SOX6: variants seen among roughly 807,000 people sequenced by gnomAD.
SOX6 encodes the protein transcription factor SOX-6.
In SOX6, 11 loss-of-function variants were observed where a neutral mutation model predicts 97.8. The ratio of observed to expected loss-of-function variants is 0.11; its 90% confidence interval spans 0.07 to 0.19. SOX6 has a LOEUF of 0.19. Among genes scored for constraint, SOX6 ranks in the 10% least tolerant of loss-of-function variants. The probability of loss-of-function intolerance (pLI) is 1.00; values close to 1 mark genes in which losing one functional copy is unlikely to be tolerated. For synonymous variants in SOX6, 360 were observed against 371.4 expected (o/e 0.97, Z 0.35); for missense variants, 810 against 1,039.5 (o/e 0.78, Z 3.04).
chr11:16,318,696 C>T (rs1168680336), intron 2 of SOX6, 43 bp from the exon 3 acceptor site: 11 of 1,567,540 alleles, frequency 7.0e-6, no homozygotes, highest in African/African-American at 1.4e-5. Flanking sequence ...ATATACGTTT[C>T]TTTGCATGCT....
At chr11:16,650,764 A>C (rs972513767) in intron 3 of SOX6, among the ~76,000 whole-genome samples, 3 of 151,774 alleles carry the variant, frequency 2.0e-5, no homozygotes, top group Middle Eastern at 3.2e-3. Context: ...GAAAAGAAAT[A>C]ACCAAGATCA....
At chr11:16,278,281 T>C (rs1854455800) in intron 3 of SOX6, among the ~76,000 whole-genome samples, 1 of 152,114 alleles carries the variant, frequency 6.6e-6, no homozygotes, top group African/African-American at 2.4e-5. Flanking sequence ...AGATCCCAAA[T>C]GAAATCTAAT....
At chr11:15,997,935 C>T (rs368359769) in intron 13 of SOX6, among the ~76,000 whole-genome samples, 168 of 152,064 alleles carry the variant, frequency 1.1e-3, no homozygotes, top group African/African-American at 3.9e-3. Context: ...CAAAAATTAG[C>T]CAGGCATGGT....
At chr11:16,559,055 C>A (rs1231069998) in intron 4 of SOX6, among the ~76,000 whole-genome samples, 3 of 151,972 alleles carry the variant, frequency 2.0e-5, no homozygotes, top group Non-Finnish European at 4.4e-5. Context: ...TATATCAAGA[C>A]AACTCCACTG....
intron 3 of SOX6, among the ~76,000 whole-genome samples, chr11:16,243,196 A>AT (rs1490953322): frequency 1.3e-5 from 2 of 151,986 alleles, no homozygotes; most frequent in East Asian, 3.9e-4. Context: ...CAGGCACTGT[A>AT]TTTTTTATAT....
intron 4 of SOX6, among the ~76,000 whole-genome samples, chr11:16,519,547 G>T (rs1440957034): frequency 6.6e-6 from 1 of 151,962 alleles, no homozygotes; most frequent in East Asian, 1.9e-4. Context: ...TTATGGCTCA[G>T]TAGTATTCTA....
chr11:16,474,410 T>G (rs898788262), intron 1 of SOX6, among the ~76,000 whole-genome samples: 3 of 152,194 alleles, frequency 2.0e-5, no homozygotes, highest in African/African-American at 7.2e-5. Flanking sequence ...CCTTACAAAA[T>G]GTACTTCTGA....
At chr11:16,629,947 C>A (rs1418477520) in intron 3 of SOX6, among the ~76,000 whole-genome samples, 1 of 152,038 alleles carries the variant, frequency 6.6e-6, no homozygotes, top group African/African-American at 2.4e-5. Flanking sequence ...TGTAATGTCA[C>A]CTTTTGTCAT....
chr11:16,697,750 A>C (rs1039485679), intron 3 of SOX6, among the ~76,000 whole-genome samples: 4 of 152,238 alleles, frequency 2.6e-5, no homozygotes, highest in African/African-American at 9.6e-5. Context: ...TGGGCTACAG[A>C]ATGGATGTTG....
At chr11:16,473,552 CTTT>C (rs61587370) in intron 1 of SOX6, among the ~76,000 whole-genome samples, 44 of 132,752 alleles carry the variant, frequency 3.3e-4, no homozygotes, top group East Asian at 4.6e-4. Flanking sequence ...GTGACAATTC[CTTT>C]TTTTTTTTTT....
At chr11:16,608,553 C>A (rs768084303) in intron 4 of SOX6, among the ~76,000 whole-genome samples, 19 of 149,116 alleles carry the variant, frequency 1.3e-4, no homozygotes, top group Non-Finnish European at 2.7e-4. Flanking sequence ...AGGATCTCAG[C>A]AAATGGGGGA....
chr11:16,618,406 A>G (rs1355068854), intron 3 of SOX6, among the ~76,000 whole-genome samples: 1 of 151,956 alleles, frequency 6.6e-6, no homozygotes, highest in African/African-American at 2.4e-5. Flanking sequence ...CAATATCCTC[A>G]AAATATCTAT....
intron 3 of SOX6, among the ~76,000 whole-genome samples, chr11:16,698,208 C>T (rs1025031528): frequency 6.6e-6 from 1 of 152,176 alleles, no homozygotes; most frequent in African/African-American, 2.4e-5. Context: ...TAGTCACCTT[C>T]ATCATGATCT....
At chr11:16,064,660 A>T (rs1334638158) in intron 9 of SOX6, among the ~76,000 whole-genome samples, 1 of 151,830 alleles carries the variant, frequency 6.6e-6, no homozygotes, top group East Asian at 1.9e-4. Flanking sequence ...AAAAAATATC[A>T]TTCATCATGA....
chr11:16,674,189 CAAA>C (rs61516612), intron 3 of SOX6, among the ~76,000 whole-genome samples: 5 of 76,322 alleles, frequency 6.6e-5, no homozygotes, highest in African/African-American at 1.7e-4. Context: ...GACTCCATCT[CAAA>C]AAAAAAAAAA....
At chr11:16,081,847 A>G (rs1174780627) in intron 9 of SOX6, among the ~76,000 whole-genome samples, 1 of 152,172 alleles carries the variant, frequency 6.6e-6, no homozygotes, top group Non-Finnish European at 1.5e-5. Flanking sequence ...GTCAAATAAC[A>G]TATCTCATGA....
intron 3 of SOX6, among the ~76,000 whole-genome samples, chr11:16,246,133 T>C (rs1853329248): frequency 6.6e-6 from 1 of 151,426 alleles, no homozygotes; most frequent in Admixed American, 6.6e-5. Flanking sequence ...TACAACAGTC[T>C]ACCTTCAATA....
chr11:16,714,653 T>C (rs971770937), intron 3 of SOX6, among the ~76,000 whole-genome samples: 5 of 152,052 alleles, frequency 3.3e-5, no homozygotes, highest in Admixed American at 1.3e-4. Context: ...GGTTTCACCA[T>C]GTTGGCCAGA....
At chr11:16,572,102 GTATTA>G (rs1230983202) in intron 4 of SOX6, among the ~76,000 whole-genome samples, 2 of 152,056 alleles carry the variant, frequency 1.3e-5, no homozygotes, top group African/African-American at 2.4e-5. Context: ...TACAGTGTCA[GTATTA>G]TATTGTTTAA....
Sources: allele counts gnomAD v4.1 joint callset (sites outside exome capture counted in the v4.1 genomes callset), GRCh38; gene constraint gnomAD v4.1.1; transcripts MANE v1.5; gene names NCBI Gene and HGNC (gene_info 2026-07-23, HGNC 2026-07-21).